The following KCNK9 variants were observed in gnomAD, a reference collection of about 807,000 sequenced individuals.
The protein encoded by KCNK9 is potassium two pore domain channel subfamily K member 9, also known as potassium channel subfamily K member 9.
A neutral mutation model predicts 10.8 loss-of-function variants in KCNK9; 1 was observed. The observed-to-expected ratio is 0.09, with a 90% CI of 0.03 to 0.44. KCNK9 has a LOEUF of 0.44. KCNK9 is among the 20% of genes least tolerant of loss of function. KCNK9 has a pLI of 0.97. For synonymous variants in KCNK9, 231 were observed against 222.7 expected, an observed-to-expected ratio of 1.04 and a Z score of -0.33; for missense variants, 303 against 515.0, an observed-to-expected ratio of 0.59 and a Z score of 3.98.
At chr8:139,613,237 G>C (rs1423305117), downstream of KCNK9, among the ~76,000 whole-genome samples, 1 of 152,220 alleles carries the variant, frequency 6.6e-6, no homozygotes, top group African/African-American at 2.4e-5. Flanking sequence ...AAAGTATTGA[G>C]GCTGGGGGTC....
intron 1 of KCNK9, among the ~76,000 whole-genome samples, chr8:139,640,240 T>A (rs11988314): frequency 0.19 from 28,200 of 152,144 alleles, 2,801 homozygotes; most frequent in East Asian, 0.29. Context: ...CTGTAAAGCA[T>A]CCCAGCTCTG....
At chr8:139,695,385 G>A (rs1817025491) in intron 1 of KCNK9, among the ~76,000 whole-genome samples, 1 of 152,162 alleles carries the variant, frequency 6.6e-6, no homozygotes. Context: ...GCTACAAAGG[G>A]CATTATTGGG....
Position 139,702,371 on chromosome 8 carries a change from G to C in KCNK9, c.283+339C>G, listed in dbSNP as rs1817245132. 6.6e-6 allele frequency among the ~76,000 whole-genome samples: 1 copy of C among 151,838 alleles called. No homozygotes were observed. On this transcript the variant is annotated intron_variant, in intron 1 of 1. Coordinates refer to ENST00000520439, the MANE Select transcript of KCNK9 (RefSeq NM_001282534.2). The surrounding 1 kb of genome is among the most constrained non-coding windows in gnomAD (Gnocchi z 7.5). ...GCAGCCCAGCCCGCGCCGGGGCGGTGGGTGGGTGGGTGTCTGCTATGGGAT... is the reference window on the plus strand; with the variant it reads ...GCAGCCCAGCCCGCGCCGGGGCGGTCGGTGGGTGGGTGTCTGCTATGGGAT...
intron 1 of KCNK9, among the ~76,000 whole-genome samples, chr8:139,677,860 AGGGGTCCCCATGGCTG>A (rs1816594981): frequency 2.4e-5 from 1 of 41,520 alleles, no homozygotes; most frequent in African/African-American, 5.6e-5. Context: ...TCCCAGCCCA[AGGGGTCCCCATGGCTG>A]CAGAGGAATG....
downstream of KCNK9, among the ~76,000 whole-genome samples, chr8:139,614,276 G>A (rs1189598417): frequency 6.6e-6 from 1 of 152,196 alleles, no homozygotes; most frequent in African/African-American, 2.4e-5. Context: ...ATAAGGAACA[G>A]GTGAGCTGAG....
intron 1 of KCNK9, among the ~76,000 whole-genome samples, chr8:139,656,781 C>T (rs1048012368): frequency 2.6e-5 from 4 of 152,212 alleles, no homozygotes; most frequent in African/African-American, 9.7e-5. Context: ...TGATCTCTCA[C>T]CCGGACAGAG....
At chr8:139,679,253 G>A (rs1050265871) in intron 1 of KCNK9, among the ~76,000 whole-genome samples, 2 of 152,288 alleles carry the variant, frequency 1.3e-5, no homozygotes, top group African/African-American at 2.4e-5. Context: ...TGTCCCTGAC[G>A]CACAGGTGCA....
At chr8:139,658,744 C>A (rs151077244) in intron 1 of KCNK9, among the ~76,000 whole-genome samples, 1 of 152,384 alleles carries the variant, frequency 6.6e-6, no homozygotes, top group Non-Finnish European at 1.5e-5. Context: ...GAGGCCTGGA[C>A]TTCCCCACGG....
chr8:139,656,506 C>CT (rs1816025529), intron 1 of KCNK9, among the ~76,000 whole-genome samples: 1 of 152,212 alleles, frequency 6.6e-6, no homozygotes, highest in South Asian at 2.1e-4. Context: ...CAGGACCCGC[C>CT]AGGTGCAGAC....
intron 2 of KCNK9, chr8:139,601,865 C>CACAATAACGCCTAACCGCCTG (rs1817378271): frequency 6.6e-6 from 1 of 152,234 alleles, no homozygotes; most frequent in East Asian, 1.9e-4. Context: ...CCGCATGTGT[C>CACAATAACGCCTAACCGCCTG]AGGCACTAAC....
chr8:139,664,739 G>T (rs187486772), intron 1 of KCNK9, among the ~76,000 whole-genome samples: 5 of 152,278 alleles, frequency 3.3e-5, no homozygotes, highest in Non-Finnish European at 1.5e-5. Flanking sequence ...TGGTGTCATG[G>T]CCCTCCAGGG....
chr8:139,603,740 G>C (rs1817424605), intron 2 of KCNK9, among the ~76,000 whole-genome samples: 1 of 152,180 alleles, frequency 6.6e-6, no homozygotes, highest in Non-Finnish European at 1.5e-5. Flanking sequence ...TAAAATAATA[G>C]AAAAGCCAGG....
downstream of KCNK9, among the ~76,000 whole-genome samples, chr8:139,614,123 T>C (rs989521535): frequency 1.3e-5 from 2 of 152,110 alleles, no homozygotes; most frequent in African/African-American, 2.4e-5. Context: ...ACCCTGTTCT[T>C]CCCTCCAGCT....
intron 1 of KCNK9, among the ~76,000 whole-genome samples, chr8:139,630,665 C>T (rs1815137391): frequency 1.3e-5 from 2 of 152,174 alleles, no homozygotes; most frequent in Admixed American, 1.3e-4. Context: ...GGGACTTGGG[C>T]CTGCCCAGAG....
intron 1 of KCNK9, among the ~76,000 whole-genome samples, chr8:139,632,483 A>C (rs1815203811): frequency 6.6e-6 from 1 of 152,132 alleles, no homozygotes; most frequent in Non-Finnish European, 1.5e-5. Flanking sequence ...GTGTCTACCC[A>C]CATATGTGAC....
chr8:139,622,123 C>T (rs1814803748), intron 1 of KCNK9, among the ~76,000 whole-genome samples: 1 of 152,190 alleles, frequency 6.6e-6, no homozygotes, highest in Admixed American at 6.5e-5. Flanking sequence ...CATTGACACA[C>T]CATAGTGTTT....
At chr8:139,620,150 T>C (rs956632194) in intron 1 of KCNK9, among the ~76,000 whole-genome samples, 9 of 152,218 alleles carry the variant, frequency 5.9e-5, no homozygotes, top group African/African-American at 1.9e-4. Flanking sequence ...CTTCCCAATA[T>C]GGCAGAAGGA....
At chr8:139,607,740 A>G (rs999949501), downstream of KCNK9, among the ~76,000 whole-genome samples, 11 of 152,212 alleles carry the variant, frequency 7.2e-5, no homozygotes, top group African/African-American at 2.7e-4. Flanking sequence ...GCCCCTGTGT[A>G]GGAACCCAGC....
chr8:139,642,043 A>T (rs1563730714), intron 1 of KCNK9, among the ~76,000 whole-genome samples: 1 of 152,204 alleles, frequency 6.6e-6, no homozygotes. Context: ...GGGAGTATGC[A>T]AGCTAGGGAC....
Sources: allele counts gnomAD v4.1 joint callset (sites outside exome capture counted in the v4.1 genomes callset), GRCh38; gene constraint gnomAD v4.1.1; non-coding constraint Gnocchi (gnomAD v3.1); transcripts MANE v1.5; gene names NCBI Gene and HGNC (gene_info 2026-07-23, HGNC 2026-07-21).